The following DMD variants were observed in gnomAD, a reference collection of about 807,000 sequenced individuals.
The protein encoded by DMD is mutant dystrophin.
Under a neutral mutation model 330.1 loss-of-function variants are expected in DMD, and 63 were observed. The observed-to-expected ratio is 0.19, with a 90% CI of 0.16 to 0.24. The LOEUF (loss-of-function observed/expected upper bound fraction) is 0.24. Among genes scored for constraint, DMD ranks in the 10% least tolerant of loss-of-function variants. The pLI, the probability that DMD is intolerant of heterozygous loss-of-function variation, is 1.00. For synonymous variants in DMD, 1,223 were observed against 959.8 expected (o/e 1.27, Z -5.07); for missense variants, 3,344 against 2,684.1 (o/e 1.25, Z -5.43).
chrX:32,701,074 TGAATCACCTGGGGATCTTTTAAAACTACA>T (rs1356547936), intron 7 of DMD, among the ~76,000 whole-genome samples: 1 of 112,231 alleles, frequency 8.9e-6, no homozygotes, highest in Non-Finnish European at 1.9e-5. Context: ...AATGTACATA[TGAATCACCTGGGGATCTTTTAAAACTACA>T]GAATCTGATT....
At chrX:32,705,683 G>A (rs756415231) in intron 7 of DMD, among the ~76,000 whole-genome samples, 5 of 111,514 alleles carry the variant, frequency 4.5e-5, no homozygotes, top group South Asian at 3.8e-4. Context: ...CATCCTCTCC[G>A]GCACCTGTTG....
intron 74 of DMD, among the ~76,000 whole-genome samples, chrX:31,148,068 G>A (rs1228991985): frequency 9.0e-6 from 1 of 110,857 alleles, no homozygotes; most frequent in Non-Finnish European, 1.9e-5. Flanking sequence ...TCCCTCACAT[G>A]CCCGCCTCAA....
chrX:31,727,500 T>G (rs749411833), intron 52 of DMD, among the ~76,000 whole-genome samples: 1 of 112,172 alleles, frequency 8.9e-6, no homozygotes, highest in South Asian at 3.7e-4. Context: ...ACACACACCA[T>G]TTCCAGGCGT....
At chrX:33,311,279 G>A (rs1033422513) in intron 1 of DMD, among the ~76,000 whole-genome samples, 1 of 108,051 alleles carries the variant, frequency 9.3e-6, no homozygotes, top group Admixed American at 1.0e-4. Context: ...CCTTCATATT[G>A]CATATACATA....
intron 43 of DMD, among the ~76,000 whole-genome samples, chrX:32,228,377 C>T (rs928094266): frequency 6.3e-5 from 7 of 111,196 alleles, no homozygotes; most frequent in Admixed American, 2.9e-4. Context: ...GTGTACTATT[C>T]CTGCACTGCT....
intron 60 of DMD, among the ~76,000 whole-genome samples, 198 bp downstream of exon 60, chrX:31,444,281 TAA>T (rs1166717518): frequency 1.8e-5 from 2 of 111,547 alleles, no homozygotes; most frequent in Middle Eastern, 9.3e-3. Context: ...AGACATATAC[TAA>T]GTCTTAGTTG....
intron 50 of DMD, among the ~76,000 whole-genome samples, chrX:31,813,971 T>C (rs927454468): frequency 3.6e-5 from 4 of 111,312 alleles, no homozygotes; most frequent in African/African-American, 1.3e-4. Context: ...TAGTATACAA[T>C]GACAGAGTTG....
chrX:32,996,213 G>C (rs1193558131), intron 2 of DMD, among the ~76,000 whole-genome samples: 1 of 111,300 alleles, frequency 9.0e-6, no homozygotes, highest in Non-Finnish European at 1.9e-5. Context: ...TCACGTCTTA[G>C]ATGGTGCCAC....
At chrX:32,827,505 T>G (rs1055221804) in intron 4 of DMD, among the ~76,000 whole-genome samples, 1 of 111,103 alleles carries the variant, frequency 9.0e-6, no homozygotes, top group African/African-American at 3.3e-5. Context: ...TCATGGGGGT[T>G]TAATGTACAC....
At chrX:32,199,680 C>A (rs1307539659) in intron 44 of DMD, among the ~76,000 whole-genome samples, 4 of 108,979 alleles carry the variant, frequency 3.7e-5, no homozygotes, top group African/African-American at 1.3e-4. Context: ...GTGGTGCTAT[C>A]TCAGCTCACT....
chrX:32,118,696 G>A (rs968379738), intron 44 of DMD, among the ~76,000 whole-genome samples: 1 of 109,170 alleles, frequency 9.2e-6, no homozygotes, highest in Non-Finnish European at 1.9e-5. Flanking sequence ...GAAAACCATC[G>A]CCCTATAGCA....
intron 63 of DMD, among the ~76,000 whole-genome samples, chrX:31,245,926 G>C (rs1039144752): frequency 1.8e-5 from 2 of 111,572 alleles, no homozygotes; most frequent in Non-Finnish European, 3.8e-5. Context: ...AGGGAAGAAA[G>C]AGCCATACCT....
chrX:32,473,177 T>G (rs776396274), intron 21 of DMD, among the ~76,000 whole-genome samples: 1 of 111,331 alleles, frequency 9.0e-6, no homozygotes, highest in Non-Finnish European at 1.9e-5. Flanking sequence ...TAACATATTT[T>G]AGGGATAATC....
At chrX:32,730,684 T>C (rs891252285) in intron 7 of DMD, among the ~76,000 whole-genome samples, 4 of 112,046 alleles carry the variant, frequency 3.6e-5, no homozygotes. Context: ...ATCTTTAATA[T>C]AGGTAGTGGG....
chrX:31,646,159 G>A (rs1212159310), intron 54 of DMD, among the ~76,000 whole-genome samples: 1 of 111,236 alleles, frequency 9.0e-6, no homozygotes, highest in Non-Finnish European at 1.9e-5. Flanking sequence ...TGAAATATAC[G>A]TTCTTAGGAC....
chrX:32,289,575 G>A (rs1480654203), intron 42 of DMD, among the ~76,000 whole-genome samples: 1 of 111,160 alleles, frequency 9.0e-6, no homozygotes, highest in African/African-American at 3.3e-5. Context: ...AGACCTTGCT[G>A]ATAAAGCAGG....
chrX:32,147,470 TTATATACA>T (rs2096783318), intron 44 of DMD, among the ~76,000 whole-genome samples: 1 of 112,071 alleles, frequency 8.9e-6, no homozygotes, highest in Non-Finnish European at 1.9e-5. Context: ...GATTTTGTTT[TTATATACA>T]TATGTATGTA....
At chrX:31,377,776 T>C (rs547994419) in intron 60 of DMD, among the ~76,000 whole-genome samples, 2 of 112,097 alleles carry the variant, frequency 1.8e-5, no homozygotes, top group South Asian at 7.5e-4. Context: ...CCTGCACGTA[T>C]ACATCCAGAA....
chrX:31,841,955 T>G (rs1383981090), intron 48 of DMD, among the ~76,000 whole-genome samples: 1 of 112,134 alleles, frequency 8.9e-6, no homozygotes, highest in African/African-American at 3.2e-5. Flanking sequence ...CAAGTCTTAT[T>G]CTTTAAAAAG....
Sources: gnomAD v4.1 joint callset for allele counts (sites outside exome capture counted in the v4.1 genomes callset) on GRCh38, gnomAD v4.1.1 for gene constraint, MANE v1.5 for transcripts, NCBI Gene and HGNC (gene_info 2026-07-23, HGNC 2026-07-21) for gene names.